The following PIK3AP1 variants were observed in gnomAD, a reference collection of about 807,000 sequenced individuals.
The protein encoded by PIK3AP1 is phosphoinositide-3-kinase adaptor protein 1, also known as phosphoinositide 3-kinase adapter protein 1.
PIK3AP1 carries 21 observed loss-of-function variants against 88.1 expected under a neutral mutation model. The observed-to-expected ratio is 0.24, with a 90% CI of 0.17 to 0.34. The LOEUF (loss-of-function observed/expected upper bound fraction) is 0.34. Among genes scored for constraint, PIK3AP1 ranks in the 10% least tolerant of loss-of-function variants. The pLI is 1.00. For synonymous variants in PIK3AP1, 398 were observed against 400.0 expected, an observed-to-expected ratio of 1.00 and a Z score of 0.06; for missense variants, 828 against 1,035.7, an observed-to-expected ratio of 0.80 and a Z score of 2.75.
chr10:96,609,366 C>T (rs1442830861), intron 14 of PIK3AP1, among the ~76,000 whole-genome samples: 1 of 152,138 alleles, frequency 6.6e-6, no homozygotes, highest in Non-Finnish European at 1.5e-5. Context: ...CCTCAGTAAA[C>T]AAAGATGACA....
rs372080759 is a variant in PIK3AP1, at chr10:96,595,535, G to A, written c.*42C>T. Reference sequence around the variant, plus strand: ...ACATCATTAACAGGCTGAAGACTGTGAGTCTTAAAGTCCTGAAGTAGGCAG... The same window carrying A: ...ACATCATTAACAGGCTGAAGACTGTAAGTCTTAAAGTCCTGAAGTAGGCAG... On this transcript the variant is annotated 3_prime_UTR_variant, in exon 17 of 17. Coordinates refer to ENST00000339364, the MANE Select transcript of PIK3AP1 (RefSeq NM_152309.3). 59 of 1,561,562 alleles carry A rather than the reference G, an allele frequency of 3.8e-5. No homozygotes were observed. In the South Asian group the frequency reaches 5.3e-4, roughly 14 times the overall value.
chr10:96,662,919 A>C (rs1371024941), intron 2 of PIK3AP1, among the ~76,000 whole-genome samples: 1 of 143,044 alleles, frequency 7.0e-6, no homozygotes, highest in Non-Finnish European at 1.5e-5. Context: ...AAAAAAAAAG[A>C]GGGAAACTCC....
intron 2 of PIK3AP1, among the ~76,000 whole-genome samples, chr10:96,682,352 C>G (rs1844014812): frequency 6.6e-6 from 1 of 152,138 alleles, no homozygotes; most frequent in Admixed American, 6.5e-5. Flanking sequence ...GCAGGGTCAT[C>G]AAGATGGCTG....
At chr10:96,690,117 T>C (rs1216484960) in intron 2 of PIK3AP1, among the ~76,000 whole-genome samples, 2 of 152,236 alleles carry the variant, frequency 1.3e-5, no homozygotes, top group African/African-American at 2.4e-5. Flanking sequence ...GTAATTATCA[T>C]GTATCTCCTT....
intron 2 of PIK3AP1, among the ~76,000 whole-genome samples, chr10:96,667,631 C>T (rs1843782629): frequency 6.6e-6 from 1 of 152,058 alleles, no homozygotes; most frequent in Non-Finnish European, 1.5e-5. Context: ...GAGCCATGCA[C>T]CCTGGTGAGA....
At chr10:96,616,601 A>T (rs1564956263) in intron 13 of PIK3AP1, 38 bp downstream of exon 13, 1 of 1,598,282 alleles carries the variant, frequency 6.3e-7, no homozygotes, top group East Asian at 2.2e-5. Flanking sequence ...GATGACAGCA[A>T]TGTCCCACAC....
chr10:96,634,875 A>T (rs1238501421), intron 8 of PIK3AP1, among the ~76,000 whole-genome samples: 1 of 152,096 alleles, frequency 6.6e-6, no homozygotes, highest in African/African-American at 2.4e-5. Context: ...ATAGAGGAGG[A>T]TCTGTCTCCT....
In PIK3AP1 at chr10:96,720,438, G is replaced by C. The variant is rs1314437276; in HGVS notation, c.-44C>G. 3.3e-6 allele frequency: 4 copies of C among 1,226,436 alleles called. No individual in the cohort carries two copies. In the African/African-American group the frequency reaches 4.7e-5, roughly 14 times the overall value. 76.0% of individuals were successfully genotyped at this position (1,226,436 alleles called of 1,614,324 possible). On this transcript the variant is annotated 5_prime_UTR_variant, in exon 1 of 17. Coordinates refer to ENST00000339364, the MANE Select transcript of PIK3AP1 (RefSeq NM_152309.3). This position sits in a 1 kb window ranked among gnomAD's most constrained non-coding sequence, Gnocchi z 4.6. ...CATCCCTGGCTCGCTGCGTGCCCGG[G>C]GCCGGGACCGGGGCCGGCGGCGTCC...
chr10:96,674,371 C>T (rs1843888378), intron 2 of PIK3AP1, among the ~76,000 whole-genome samples: 1 of 152,206 alleles, frequency 6.6e-6, no homozygotes, highest in African/African-American at 2.4e-5. Flanking sequence ...CTTCAATTTC[C>T]TCTCCTTTAA....
rs182542528 is a variant in PIK3AP1, at chr10:96,617,975, G to A, written c.1942-1264C>T. On this transcript the variant is annotated intron_variant, in intron 12 of 16. Transcript: ENST00000339364. The stretch of plus-strand genomic sequence containing the variant: ...AATGTCCATTGTGAGAGGGTGACGT[G>A]AAGGAGACAGAGGAGTGGACAGAGA... 2.6e-3 allele frequency among the ~76,000 whole-genome samples: 394 copies of A among 152,322 alleles called. 1 individual carries two copies. Among genetic ancestry groups the A allele is most frequent in the Non-Finnish European group, 4.2e-3 (286 of 68,030 alleles).
In PIK3AP1 at chr10:96,593,393, C is replaced by A. The variant is rs1848704014; in HGVS notation, c.*2184G>T. ...TGCAACAAAATATTCATATATTGCA[C>A]AAACAGTGATGTGCATACAAAGATG... On this transcript the variant is annotated 3_prime_UTR_variant, in exon 17 of 17. Coordinates refer to ENST00000339364, the MANE Select transcript of PIK3AP1 (RefSeq NM_152309.3). 1 of 152,142 alleles carries A rather than the reference C, an allele frequency of 6.6e-6. No individual in the cohort carries two copies. The highest frequency in any genetic ancestry group is 1.5e-5 in the Non-Finnish European group (1 of 68,032). 9.4% of individuals were successfully genotyped at this position (152,142 alleles called of 1,614,324 possible). A position where few individuals can be genotyped will look rare whatever the true frequency, so the allele number is the denominator to read the frequency against.
chr10:96,616,831 A>C, intron 12 of PIK3AP1, 120 bp from the exon 13 acceptor site: 1 of 938,176 alleles, frequency 1.1e-6, no homozygotes, highest in Non-Finnish European at 1.7e-6. Context: ...CACATTTACA[A>C]CATGCAAATG....
chr10:96,642,172 C>G (rs375952517), intron 8 of PIK3AP1, among the ~76,000 whole-genome samples: 7 of 152,250 alleles, frequency 4.6e-5, no homozygotes, highest in African/African-American at 1.4e-4. Context: ...CGCCTGTAAT[C>G]CCGGCACTTT....
rs977874264 is a variant in PIK3AP1, at chr10:96,720,012, T to C, written c.13+370A>G. 6.6e-6 allele frequency among the ~76,000 whole-genome samples: 1 copy of C among 152,168 alleles called. No individual in the cohort carries two copies. The highest frequency in any genetic ancestry group is 6.5e-5 in the Admixed American group (1 of 15,286). On this transcript the variant is annotated intron_variant, in intron 1 of 16. Transcript: ENST00000339364. This position sits in a 1 kb window ranked among gnomAD's most constrained non-coding sequence, Gnocchi z 4.6. ...GGAGCCCAGGAGACGCGTTTGGCCC[T>C]GTAGACCATCCACATCGCCCGCCCT...
At chr10:96,595,742 C>T in intron 16 of PIK3AP1, 108 bp from the exon 17 acceptor site, 1 of 1,013,882 alleles carries the variant, frequency 9.9e-7, no homozygotes, top group Non-Finnish European at 1.5e-6. Context: ...GGACACAATC[C>T]TCAATGAGAC....
chr10:96,651,331 G>C lies in PIK3AP1; in HGVS notation c.905C>G (p.Thr302Ser). Residue 302 changes from threonine to serine, a missense_variant, in exon 6 of 17, where the codon ACC becomes AGC. By Grantham distance (58) the Thr-to-Ser change is moderately conservative. This residue lies in a region of PIK3AP1 where 610 missense variants were observed against 760.1 expected (regional missense o/e 0.80). Transcript: ENST00000339364. ...AGGGATATTGTTCTTCAGGGATTCG[G>C]TTAGCAGTTTATCAAGGGTCTCTGT... The part of the protein sequence containing the change: ...YNTETLDKLL[T>S]ESLKNNIPAS... The C allele has an allele frequency of 6.2e-7, 1 of 1,614,148 alleles. No homozygotes were observed. The highest frequency in any genetic ancestry group is 8.5e-7 in the Non-Finnish European group (1 of 1,180,004).
At position 96,652,860 on chromosome 10, in the gene PIK3AP1, T is replaced by C; in HGVS notation, c.568-18A>G. 1 of 1,610,206 alleles carries C rather than the reference T, an allele frequency of 6.2e-7. No individual in the cohort carries two copies. The highest frequency in any genetic ancestry group is 8.5e-7 in the Non-Finnish European group (1 of 1,179,518). The stretch of plus-strand genomic sequence containing the variant: ...GTTTCTGCCTGAAACGGGAAGCCGG[T>C]CATTGTCCCCTCTCCCTCTCAGATC... On this transcript the variant is annotated intron_variant, in intron 3 of 16. Coordinates refer to ENST00000339364, the MANE Select transcript of PIK3AP1 (RefSeq NM_152309.3).
chr10:96,620,594 C>T (rs769497112), intron 11 of PIK3AP1, 37 bp from the exon 12 acceptor site: 3 of 1,575,142 alleles, frequency 1.9e-6, no homozygotes, highest in African/African-American at 2.7e-5. Flanking sequence ...GACAGCTCCC[C>T]CACTGGGGAC....
At chr10:96,706,168 C>T (rs1334984587) in intron 2 of PIK3AP1, among the ~76,000 whole-genome samples, 1 of 152,164 alleles carries the variant, frequency 6.6e-6, no homozygotes, top group East Asian at 1.9e-4. Context: ...GCTGGGATTA[C>T]AGGCGTGAGC....
Sources: gnomAD v4.1 joint callset for allele counts (sites outside exome capture counted in the v4.1 genomes callset) on GRCh38, gnomAD v4.1.1 for gene constraint, gnomAD v4.1.1 regional missense constraint, Gnocchi (gnomAD v3.1) non-coding constraint, MANE v1.5 for transcripts, NCBI Gene and HGNC (gene_info 2026-07-23, HGNC 2026-07-21) for gene names.